CLVS1: variants seen among roughly 807,000 people sequenced by gnomAD.
CLVS1 encodes the protein clavesin-1.
A neutral mutation model predicts 33.1 loss-of-function variants in CLVS1; 10 were observed. The ratio of observed to expected loss-of-function variants is 0.30; its 90% CI spans 0.19 to 0.51. CLVS1 has a LOEUF of 0.51. Among genes scored for constraint, CLVS1 ranks in the 20% least tolerant of loss-of-function variants. The probability of loss-of-function intolerance (pLI) is 0.97; values close to 1 mark genes in which losing one functional copy is unlikely to be tolerated. For synonymous variants in CLVS1, 163 were observed against 166.1 expected (o/e 0.98, Z 0.14); for missense variants, 343 against 433.4 (o/e 0.79, Z 1.85).
chr8:61,369,595 T>G (rs539442477), intron 2 of CLVS1, among the ~76,000 whole-genome samples: 8 of 152,364 alleles, frequency 5.3e-5, no homozygotes, highest in African/African-American at 1.9e-4. Context: ...GAGGGATATC[T>G]CTATAATTCA....
At chr8:60,971,784 G>A in the CLVS1 span, among the ~76,000 whole-genome samples, 5 of 152,186 alleles carry the variant, frequency 3.3e-5, no homozygotes, top group Non-Finnish European at 5.9e-5. Context: ...CCAGCATTCT[G>A]AGAACTGAAT....
chr8:61,333,413 T>A (rs770687610), intron 2 of CLVS1, among the ~76,000 whole-genome samples: 1 of 152,182 alleles, frequency 6.6e-6, no homozygotes, highest in Non-Finnish European at 1.5e-5. Flanking sequence ...AGGATGTGAC[T>A]AGTATAAGAA....
intron 1 of CLVS1, among the ~76,000 whole-genome samples, chr8:61,069,421 C>T (rs867672275): frequency 6.6e-6 from 1 of 151,812 alleles, no homozygotes; most frequent in Non-Finnish European, 1.5e-5. Context: ...TCCTTCCTTC[C>T]TTCCTTCCTC....
At chr8:61,393,404 G>A (rs566427129) in intron 3 of CLVS1, among the ~76,000 whole-genome samples, 6 of 152,108 alleles carry the variant, frequency 3.9e-5, no homozygotes, top group South Asian at 2.1e-4. Context: ...TTTATCTGGC[G>A]ATTAAGAGAT....
Position 61,412,019 on chromosome 8 carries a change from C to G in CLVS1, c.630+35240C>G, listed in dbSNP as rs1335416048. On this transcript the variant is annotated intron_variant, in intron 3 of 5. Coordinates refer to ENST00000325897, the MANE Select transcript of CLVS1 (RefSeq NM_173519.3). Reference sequence around the variant, plus strand: ...AGGGGCAGGGAAGCCTTCACTGAGACAGGGTGAAGGCCAGGGCTGGCCAGT... The same window carrying G: ...AGGGGCAGGGAAGCCTTCACTGAGAGAGGGTGAAGGCCAGGGCTGGCCAGT... Among the ~76,000 whole-genome samples the G allele has an allele frequency of 3.9e-5, 6 of 152,176 alleles. No homozygotes were observed. The East Asian group carries it at 9.6e-4, about 24-fold the overall frequency.
At chr8:61,373,578 A>G (rs1342627166) in intron 2 of CLVS1, among the ~76,000 whole-genome samples, 1 of 152,196 alleles carries the variant, frequency 6.6e-6, no homozygotes, top group Non-Finnish European at 1.5e-5. Context: ...ATAGAGATTA[A>G]GTAATTTGCT....
chr8:61,395,460 C>T (rs1348325214), intron 3 of CLVS1, among the ~76,000 whole-genome samples: 1 of 152,150 alleles, frequency 6.6e-6, no homozygotes, highest in Non-Finnish European at 1.5e-5. Flanking sequence ...TTTTAACATT[C>T]TCACCACACA....
At chr8:61,231,377 T>G (rs1029134047) in intron 2 of CLVS1, among the ~76,000 whole-genome samples, 5 of 152,150 alleles carry the variant, frequency 3.3e-5, no homozygotes, top group African/African-American at 1.2e-4. Flanking sequence ...ATTAGAATCA[T>G]GTGGGGAGTT....
the CLVS1 span, among the ~76,000 whole-genome samples, chr8:60,968,871 A>C: frequency 1.3e-5 from 2 of 152,152 alleles, no homozygotes; most frequent in African/African-American, 2.4e-5. Context: ...CCTAGGTAAT[A>C]GGACAAGACC....
intron 2 of CLVS1, among the ~76,000 whole-genome samples, chr8:61,309,892 G>T (rs1004845390): frequency 1.3e-5 from 2 of 152,210 alleles, no homozygotes; most frequent in Non-Finnish European, 2.9e-5. Context: ...ATTGAGGTTT[G>T]CCTTTGGCTT....
chr8:61,330,353 A>G (rs973196795), intron 2 of CLVS1, among the ~76,000 whole-genome samples: 1 of 152,184 alleles, frequency 6.6e-6, no homozygotes. Flanking sequence ...AGAACTCCAA[A>G]TAAGAGTGTG....
intron 2 of CLVS1, among the ~76,000 whole-genome samples, chr8:61,201,552 T>A (rs1456194394): frequency 6.6e-6 from 1 of 152,212 alleles, no homozygotes; most frequent in Non-Finnish European, 1.5e-5. Flanking sequence ...CAGGACATGT[T>A]CAAACCTTTC....
intron 1 of CLVS1, among the ~76,000 whole-genome samples, chr8:61,063,431 G>C (rs1245645123): frequency 6.6e-6 from 1 of 152,136 alleles, no homozygotes; most frequent in Non-Finnish European, 1.5e-5. Context: ...GTTGAGAATA[G>C]CATTACAGAG....
rs548050726 is a variant in CLVS1 at position 61,279,030 on chromosome 8, G to A, written c.-151-20647G>A. On this transcript the variant is annotated intron_variant, in intron 2 of 2. Transcript: ENST00000522621. Reference sequence around the variant, plus strand: ...GTGGCTGAGAGAGTCATTAGCCATAGTGGGCCAATCAAACTGCAGCTCTAG... The same window carrying A: ...GTGGCTGAGAGAGTCATTAGCCATAATGGGCCAATCAAACTGCAGCTCTAG... 3.3e-5 allele frequency among the ~76,000 whole-genome samples: 5 copies of A among 152,374 alleles called. No individual in the cohort carries two copies. In the South Asian group the frequency reaches 6.2e-4, roughly 19 times the overall value.
intron 2 of CLVS1, among the ~76,000 whole-genome samples, chr8:61,145,982 A>T (rs1417196258): frequency 6.6e-6 from 1 of 152,248 alleles, no homozygotes; most frequent in East Asian, 1.9e-4. Context: ...ATTTAAGACC[A>T]GTTTCCTTCT....
chr8:61,159,800 CAG>C (rs1806718282), intron 2 of CLVS1, among the ~76,000 whole-genome samples: 1 of 152,144 alleles, frequency 6.6e-6, no homozygotes. Flanking sequence ...ATGTGTGTAA[CAG>C]AAAGAAAGTG....
At chr8:61,343,931 A>G (rs1483209593) in intron 2 of CLVS1, among the ~76,000 whole-genome samples, 2 of 152,170 alleles carry the variant, frequency 1.3e-5, no homozygotes, top group Non-Finnish European at 2.9e-5. Context: ...AATAAAATCT[A>G]TTTTCTGTCT....
intron 5 of CLVS1, among the ~76,000 whole-genome samples, chr8:61,493,602 G>A (rs1020155678): frequency 1.3e-5 from 2 of 152,050 alleles, no homozygotes; most frequent in Non-Finnish European, 2.9e-5. Flanking sequence ...GCTTCTCTGG[G>A]GAATTTCCTT....
intron 5 of CLVS1, among the ~76,000 whole-genome samples, chr8:61,491,938 T>C (rs1015537316): frequency 6.6e-6 from 1 of 152,166 alleles, no homozygotes; most frequent in African/African-American, 2.4e-5. Flanking sequence ...ACTAAGGACA[T>C]GGGTCTCCTA....
Sources: gnomAD v4.1 joint callset for allele counts (sites outside exome capture counted in the v4.1 genomes callset) on GRCh38, gnomAD v4.1.1 for gene constraint, MANE v1.5 for transcripts, NCBI Gene and HGNC (gene_info 2026-07-23, HGNC 2026-07-21) for gene names.